Variants in BCAS3 observed in about 807,000 individuals in gnomAD.
BCAS3 encodes BCAS4/BCAS3 fusion.
BCAS3 carries 53 observed loss-of-function variants against 116.1 expected under a neutral mutation model. That is an observed-to-expected ratio of 0.46 (90% CI 0.37 to 0.57). The LOEUF is 0.57. BCAS3 is among the 20% of genes least tolerant of loss of function. The probability of loss-of-function intolerance (pLI) is 0.00; values close to 1 mark genes in which losing one functional copy is unlikely to be tolerated. For missense variants in BCAS3, 917 were observed against 1,165.4 expected, an observed-to-expected ratio of 0.79 and a Z score of 3.10; for synonymous variants, 391 against 408.2, an observed-to-expected ratio of 0.96 and a Z score of 0.51.
intron 22 of BCAS3, among the ~76,000 whole-genome samples, chr17:61,123,128 A>C (rs1028289106): frequency 6.6e-6 from 1 of 151,990 alleles, no homozygotes; most frequent in African/African-American, 2.4e-5. Flanking sequence ...CTTTTGGTAG[A>C]GACGGGGTTT....
chr17:61,020,594 C>T lies in BCAS3; in HGVS notation c.1637+4693C>T, dbSNP rs561426902. 2.8e-4 allele frequency among the ~76,000 whole-genome samples: 43 copies of T among 152,278 alleles called. No individual in the cohort carries two copies. Among genetic ancestry groups the T allele is most frequent in the African/African-American group, 1.0e-3 (43 of 41,568 alleles). The stretch of plus-strand genomic sequence containing the variant: ...TTATCATATGTAAGTAAGAATAGTT[C>T]TCCTAATCTATTAAAAGTGGAATTA... On this transcript the variant is annotated intron_variant, in intron 16 of 23. Coordinates refer to ENST00000407086, the MANE Select transcript of BCAS3 (RefSeq NM_017679.5). The surrounding 1 kb of genome is among the most constrained non-coding windows in gnomAD (Gnocchi z 4.5).
intron 7 of BCAS3, among the ~76,000 whole-genome samples, chr17:60,815,842 T>C (rs1490995978): frequency 1.3e-5 from 2 of 152,228 alleles, no homozygotes; most frequent in African/African-American, 4.8e-5. Flanking sequence ...GTTTTCTTTA[T>C]CTTGCCCATC....
Position 61,388,658 on chromosome 17 carries a change from C to T in BCAS3, c.2594-3319C>T, listed in dbSNP as rs1341993714. 2.6e-6 allele frequency: 4 copies of T among 1,545,708 alleles called. No individual in the cohort carries two copies. The highest frequency in any genetic ancestry group is 1.2e-5 in the South Asian group (1 of 84,372). ...AAAAAAAACAATGCCAACAGCCCAG[C>T]GTCCGTGAGCAACCCAACAGTAACA... On this transcript the variant is annotated intron_variant, in intron 23 of 23. Transcript: ENST00000407086. This position sits in a 1 kb window ranked among gnomAD's most constrained non-coding sequence, Gnocchi z 6.5.
chr17:60,789,747 A>G (rs2046595098), intron 6 of BCAS3, among the ~76,000 whole-genome samples: 1 of 152,182 alleles, frequency 6.6e-6, no homozygotes, highest in Non-Finnish European at 1.5e-5. Flanking sequence ...GGATTATGTT[A>G]TGGGAGGGTG....
chr17:60,995,538 T>C lies in BCAS3; in HGVS notation c.1486+5303T>C, dbSNP rs1379541760. 6.6e-6 allele frequency among the ~76,000 whole-genome samples: 1 copy of C among 152,074 alleles called. No individual in the cohort carries two copies. The highest frequency in any genetic ancestry group is 1.5e-5 in the Non-Finnish European group (1 of 68,022). ...GTCTCAAACTCCTGACCTCAAGTGA[T>C]CCACCTGCCTCAGCCTCCCAAGGTG... On this transcript the variant is annotated intron_variant, in intron 15 of 23. Transcript: ENST00000407086. This position sits in a 1 kb window ranked among gnomAD's most constrained non-coding sequence, Gnocchi z 4.7.
chr17:61,192,268 A>G (rs563887287), intron 22 of BCAS3, among the ~76,000 whole-genome samples: 5 of 150,778 alleles, frequency 3.3e-5, no homozygotes, highest in Non-Finnish European at 3.0e-5. Flanking sequence ...AAAAAGAAAC[A>G]TAGAGTTTAG....
chr17:60,747,097 A>G (rs2042069152), intron 5 of BCAS3, 101 bp from the exon 6 acceptor site: 4 of 761,972 alleles, frequency 5.2e-6, no homozygotes, highest in Non-Finnish European at 8.6e-6. Context: ...TATATATTTC[A>G]GACAAAATAT....
chr17:61,015,989 T>C lies in BCAS3; in HGVS notation c.1637+88T>C, dbSNP rs2065427752. ...AAACATACTTTTTCTTTGTGTGGTT[T>C]TTATTATGTTCTTCATTTCCAGCTC... On this transcript the variant is annotated intron_variant, in intron 16 of 23. Transcript: ENST00000407086. 7.4e-6 allele frequency: 10 copies of C among 1,353,218 alleles called. No individual in the cohort carries two copies. In the Admixed American group the frequency reaches 1.6e-4, roughly 22 times the overall value. 83.8% of individuals were successfully genotyped at this position (1,353,218 alleles called of 1,614,324 possible). A position where few individuals can be genotyped will look rare whatever the true frequency, so the allele number is the denominator to read the frequency against.
chr17:61,111,383 G>A (rs2075081231), intron 22 of BCAS3, among the ~76,000 whole-genome samples: 1 of 149,398 alleles, frequency 6.7e-6, no homozygotes, highest in Admixed American at 6.6e-5. Flanking sequence ...ATACAGAGAA[G>A]TGCTTAAAGG....
intron 14 of BCAS3, among the ~76,000 whole-genome samples, chr17:60,973,180 G>A (rs1372781790): frequency 1.3e-5 from 2 of 152,064 alleles, no homozygotes; most frequent in East Asian, 3.9e-4. Context: ...TTTCCCTCAT[G>A]ATTCCTTTAT....
At chr17:61,232,646 G>T (rs972309517) in intron 22 of BCAS3, among the ~76,000 whole-genome samples, 9 of 152,144 alleles carry the variant, frequency 5.9e-5, no homozygotes, top group African/African-American at 1.9e-4. Flanking sequence ...TCCAGGACCG[G>T]TGTTCTCTTT....
intron 18 of BCAS3, among the ~76,000 whole-genome samples, chr17:61,038,671 T>TTTG (rs2067250143): frequency 7.5e-6 from 1 of 132,998 alleles, no homozygotes; most frequent in African/African-American, 3.3e-5. Flanking sequence ...TGTTTTTGTT[T>TTTG]TTTTTTTTTT....
At chr17:60,915,849 A>G (rs1004485202) in intron 12 of BCAS3, among the ~76,000 whole-genome samples, 11 of 151,772 alleles carry the variant, frequency 7.2e-5, no homozygotes, top group African/African-American at 2.4e-4. Flanking sequence ...CACCTAGCTA[A>G]TTTTATGTAT....
chr17:61,208,891 AAGG>A lies in BCAS3; in HGVS notation c.2425+124331_2425+124333del, dbSNP rs2081298098. On this transcript the variant is annotated intron_variant, in intron 22 of 23. Coordinates refer to ENST00000407086, the MANE Select transcript of BCAS3 (RefSeq NM_017679.5). This position sits in a 1 kb window ranked among gnomAD's most constrained non-coding sequence, Gnocchi z 4.5. ...GTGCTAAAAAGGAAAAAAAAAAAAA[AAGG>A]AGGGCCTGTATCTCTTGTGTAGCTC... Among the ~76,000 whole-genome samples, 1 of 151,924 alleles carries A rather than the reference AAGG, an allele frequency of 6.6e-6. No homozygotes were observed. Among genetic ancestry groups the A allele is most frequent in the East Asian group, 1.9e-4 (1 of 5,188 alleles).
In BCAS3 at chr17:61,171,543, A is replaced by G. The variant is rs2078840392; in HGVS notation, c.2425+86979A>G. On this transcript the variant is annotated intron_variant, in intron 22 of 23. Transcript: ENST00000407086. The surrounding 1 kb of genome is among the most constrained non-coding windows in gnomAD (Gnocchi z 4.1). ...GGCAAGAATCACCTACATCTTGCCC[A>G]TAAAAATCTCACCTAAATATAAAGA... is the stretch of plus-strand genomic sequence containing the variant. 1.3e-5 allele frequency among the ~76,000 whole-genome samples: 2 copies of G among 152,258 alleles called. No individual in the cohort carries two copies.
Position 61,204,604 on chromosome 17 carries a change from G to A in BCAS3, c.2425+120040G>A, listed in dbSNP as rs2144299528. Among the ~76,000 whole-genome samples, 1 of 152,258 alleles carries A rather than the reference G, an allele frequency of 6.6e-6. No individual in the cohort carries two copies. Among genetic ancestry groups the A allele is most frequent in the Admixed American group, 6.5e-5 (1 of 15,300 alleles). ...ATAGCCCCTTTATTAAATATTTCTA[G>A]AATATAATTGCCTCTGAAAACACAG... On this transcript the variant is annotated intron_variant, in intron 22 of 23. Coordinates refer to ENST00000407086, the MANE Select transcript of BCAS3 (RefSeq NM_017679.5). This position sits in a 1 kb window ranked among gnomAD's most constrained non-coding sequence, Gnocchi z 4.2.
chr17:61,350,219 A>C (rs1297551849), intron 22 of BCAS3, among the ~76,000 whole-genome samples: 1 of 152,002 alleles, frequency 6.6e-6, no homozygotes, highest in Non-Finnish European at 1.5e-5. Flanking sequence ...GTTTGAGACC[A>C]GCCTGGCCAA....
intron 7 of BCAS3, among the ~76,000 whole-genome samples, chr17:60,834,910 T>G (rs1170044031): frequency 1.3e-5 from 2 of 152,018 alleles, no homozygotes; most frequent in Non-Finnish European, 1.5e-5. Context: ...GTATATTCTT[T>G]TAGTTTTCAA....
At chr17:61,359,239 C>T (rs1343714295) in intron 22 of BCAS3, among the ~76,000 whole-genome samples, 1 of 152,184 alleles carries the variant, frequency 6.6e-6, no homozygotes, top group Non-Finnish European at 1.5e-5. Context: ...GCTTACAGAG[C>T]CCTGGGGTAA....
Sources: gnomAD v4.1 joint callset for allele counts (sites outside exome capture counted in the v4.1 genomes callset) on GRCh38, gnomAD v4.1.1 for gene constraint, Gnocchi (gnomAD v3.1) non-coding constraint, MANE v1.5 for transcripts, NCBI Gene and HGNC (gene_info 2026-07-23, HGNC 2026-07-21) for gene names.